Variants in LPCAT2 observed in about 807,000 individuals in gnomAD.
The protein encoded by LPCAT2 is 1-AGP acyltransferase 11.
Under a neutral mutation model 64.7 loss-of-function variants are expected in LPCAT2, and 58 were observed. The observed-to-expected ratio is 0.90, with a 90% CI of 0.73 to 1.12. The LOEUF (loss-of-function observed/expected upper bound fraction) is 1.12. Among genes scored for constraint, LPCAT2 ranks in the 50% most tolerant of loss-of-function variants. The pLI, the probability that LPCAT2 is intolerant of heterozygous loss-of-function variation, is 0.00. For synonymous variants in LPCAT2, 252 were observed against 245.3 expected (o/e 1.03, Z -0.26); for missense variants, 579 against 669.8 (o/e 0.86, Z 1.50).
chr16:55,579,279 C>G, intron 13 of LPCAT2, 35 bp downstream of exon 13: 2 of 1,602,800 alleles, frequency 1.2e-6, no homozygotes, highest in Non-Finnish European at 1.7e-6. Context: ...ACTTAGTTTA[C>G]AAGGAGGACA....
chr16:55,576,925 C>T (rs1279435735), intron 12 of LPCAT2, among the ~76,000 whole-genome samples: 1 of 152,106 alleles, frequency 6.6e-6, no homozygotes, highest in East Asian at 1.9e-4. Flanking sequence ...GGAGCTTATA[C>T]AGAAGTGAGA....
At chr16:55,575,738 A>G (rs2142422265) in intron 12 of LPCAT2, among the ~76,000 whole-genome samples, 1 of 152,290 alleles carries the variant, frequency 6.6e-6, no homozygotes, top group Admixed American at 6.5e-5. Context: ...AAGCCTTAGG[A>G]ATTTTCATGT....
At chr16:55,571,739 T>G (rs1163830661) in intron 11 of LPCAT2, among the ~76,000 whole-genome samples, 1 of 152,080 alleles carries the variant, frequency 6.6e-6, no homozygotes, top group Non-Finnish European at 1.5e-5. Flanking sequence ...ATTTAAGAAT[T>G]AAAAAAATAG....
intron 11 of LPCAT2, among the ~76,000 whole-genome samples, chr16:55,572,246 T>TGTTACACATA (rs1963778292): frequency 6.6e-6 from 1 of 152,196 alleles, no homozygotes. Context: ...TCCTGACAAG[T>TGTTACACATA]GTTACACATA....
chr16:55,517,091 T>C (rs1197991872), intron 1 of LPCAT2, among the ~76,000 whole-genome samples: 4 of 151,886 alleles, frequency 2.6e-5, no homozygotes, highest in African/African-American at 9.7e-5. Context: ...GTTGGTACTC[T>C]GAAAAAAACT....
At chr16:55,572,245 G>C (rs982720519) in intron 11 of LPCAT2, among the ~76,000 whole-genome samples, 1 of 152,126 alleles carries the variant, frequency 6.6e-6, no homozygotes, top group Non-Finnish European at 1.5e-5. Context: ...TTCCTGACAA[G>C]TGTTACACAT....
intron 12 of LPCAT2, among the ~76,000 whole-genome samples, chr16:55,576,502 C>T (rs1963829706): frequency 6.6e-6 from 1 of 152,010 alleles, no homozygotes; most frequent in African/African-American, 2.4e-5. Flanking sequence ...GGAGTAGACT[C>T]AAGGGAAAAC....
Position 55,534,442 on chromosome 16 carries a change from G to A in LPCAT2, c.763-1G>A. 1.3e-6 allele frequency: 2 copies of A among 1,527,362 alleles called. No individual in the cohort carries two copies. The highest frequency in any genetic ancestry group is 1.8e-6 in the Non-Finnish European group (2 of 1,114,988). The allele number at this position is 1,527,362 out of a possible 1,614,324, so 94.6% of individuals were successfully genotyped here. A position where few individuals can be genotyped will look rare whatever the true frequency, so the allele number is the denominator to read the frequency against. ...CAGCTAAAATAATTTTGTTATTATA[G>A]GATACTGTGACCTGGACATGGCAAG... On this transcript the variant is annotated splice_acceptor_variant, in intron 6 of 13. Transcript: ENST00000262134. LOFTEE classifies it high-confidence loss of function.
chr16:55,537,005 T>C (rs1471102255), intron 7 of LPCAT2, among the ~76,000 whole-genome samples: 1 of 152,126 alleles, frequency 6.6e-6, no homozygotes, highest in East Asian at 1.9e-4. Flanking sequence ...TTTTTTTTAA[T>C]GTCAAAAAAC....
intron 2 of LPCAT2, 134 bp from the exon 3 acceptor site, chr16:55,528,243 T>G: frequency 1.5e-6 from 1 of 658,994 alleles, no homozygotes; most frequent in Non-Finnish European, 2.6e-6. Context: ...AAGTGTTAGC[T>G]GTTATTCTCC....
chr16:55,571,626 AT>A (rs550238665), intron 11 of LPCAT2, among the ~76,000 whole-genome samples: 95 of 151,724 alleles, frequency 6.3e-4, no homozygotes, highest in African/African-American at 2.2e-3. Flanking sequence ...TCAAGTCTGG[AT>A]TTTTTTTTAT....
intron 1 of LPCAT2, among the ~76,000 whole-genome samples, chr16:55,510,469 A>G (rs563608480): frequency 1.0e-3 from 152 of 151,756 alleles, no homozygotes; most frequent in Non-Finnish European, 1.7e-3. Flanking sequence ...GTGGGGGAAC[A>G]ATTTTGAAGT....
At chr16:55,551,187 G>C in intron 11 of LPCAT2, 85 bp downstream of exon 11, 1 of 1,272,320 alleles carries the variant, frequency 7.9e-7, no homozygotes, top group Non-Finnish European at 1.1e-6. Flanking sequence ...TGAAAAACTT[G>C]ATAGGTCAGT....
intron 12 of LPCAT2, among the ~76,000 whole-genome samples, chr16:55,577,321 C>T (rs1484574191): frequency 2.0e-5 from 3 of 151,976 alleles, no homozygotes; most frequent in African/African-American, 7.3e-5. Flanking sequence ...ATGGTTATCA[C>T]CCCTTATCTA....
chr16:55,536,187 A>G (rs1963321886), intron 7 of LPCAT2, among the ~76,000 whole-genome samples: 1 of 152,084 alleles, frequency 6.6e-6, no homozygotes, highest in Non-Finnish European at 1.5e-5. Flanking sequence ...TCAAAGTGCT[A>G]CTCCAGTTAC....
At chr16:55,536,209 A>G (rs1963322231) in intron 7 of LPCAT2, among the ~76,000 whole-genome samples, 1 of 152,052 alleles carries the variant, frequency 6.6e-6, no homozygotes, top group South Asian at 2.1e-4. Context: ...GATTCTAAGA[A>G]ACAGATTTTA....
chr16:55,509,718 G>T (rs1962899762), intron 1 of LPCAT2, among the ~76,000 whole-genome samples: 1 of 152,082 alleles, frequency 6.6e-6, no homozygotes, highest in South Asian at 2.1e-4. Context: ...CTGAGGGGCC[G>T]TGAGCCTGAA....
chr16:55,554,886 G>C (rs1182171637), intron 11 of LPCAT2, among the ~76,000 whole-genome samples: 1 of 152,126 alleles, frequency 6.6e-6, no homozygotes, highest in Non-Finnish European at 1.5e-5. Context: ...ATCAAGGAGA[G>C]GGAGCAAGAC....
chr16:55,518,450 G>T (rs140042449), intron 1 of LPCAT2, among the ~76,000 whole-genome samples: 20 of 152,166 alleles, frequency 1.3e-4, no homozygotes, highest in Admixed American at 3.3e-4. Context: ...ATACAGAAAT[G>T]CAAGGGACTA....
Sources: allele counts gnomAD v4.1 joint callset (sites outside exome capture counted in the v4.1 genomes callset), GRCh38; gene constraint gnomAD v4.1.1; transcripts MANE v1.5; gene names NCBI Gene and HGNC (gene_info 2026-07-23, HGNC 2026-07-21).